Variants in PAK5 observed in about 807,000 individuals in gnomAD.
PAK5 encodes p21 (RAC1) activated kinase 5.
PAK5 carries 16 observed loss-of-function variants against 65.9 expected under a neutral mutation model. The observed-to-expected ratio is 0.24, with a 90% CI of 0.16 to 0.37. The LOEUF (loss-of-function observed/expected upper bound fraction) is 0.37. Among genes scored for constraint, PAK5 ranks in the 10% least tolerant of loss-of-function variants. The pLI is 1.00. For synonymous variants in PAK5, 371 were observed against 354.9 expected (o/e 1.05, Z -0.51); for missense variants, 785 against 903.9 (o/e 0.87, Z 1.69).
At chr20:9,767,619 G>C (rs1039743397) in intron 1 of PAK5, among the ~76,000 whole-genome samples, 1 of 152,116 alleles carries the variant, frequency 6.6e-6, no homozygotes, top group African/African-American at 2.4e-5. Context: ...CCCATTTCCA[G>C]GCAATATTTA....
chr20:9,667,778 A>C (rs1243708645), intron 2 of PAK5, among the ~76,000 whole-genome samples: 2 of 152,176 alleles, frequency 1.3e-5, no homozygotes, highest in Admixed American at 1.3e-4. Context: ...TAAAGCCCAT[A>C]ATGTATATAT....
At chr20:9,756,297 A>G (rs1438807414) in intron 1 of PAK5, among the ~76,000 whole-genome samples, 2 of 152,182 alleles carry the variant, frequency 1.3e-5, no homozygotes, top group Non-Finnish European at 2.9e-5. Context: ...AAAGTAAAGC[A>G]TTAGTTGAGC....
intron 1 of PAK5, among the ~76,000 whole-genome samples, chr20:9,759,254 A>G (rs2048670692): frequency 6.6e-6 from 1 of 152,190 alleles, no homozygotes; most frequent in Non-Finnish European, 1.5e-5. Flanking sequence ...ACTGCTAAAC[A>G]TCTGATAACA....
At chr20:9,713,168 T>C (rs1970420879) in intron 1 of PAK5, among the ~76,000 whole-genome samples, 1 of 151,742 alleles carries the variant, frequency 6.6e-6, no homozygotes, top group African/African-American at 2.4e-5. Context: ...AACAACTCAA[T>C]AGCAAATAAT....
chr20:9,541,951 T>C (rs1469010103), intron 9 of PAK5, among the ~76,000 whole-genome samples: 1 of 152,216 alleles, frequency 6.6e-6, no homozygotes, highest in Non-Finnish European at 1.5e-5. Context: ...GCCATGATTG[T>C]AAGTATCCTG....
At chr20:9,553,115 A>G (rs967481725) in intron 7 of PAK5, among the ~76,000 whole-genome samples, 2 of 152,178 alleles carry the variant, frequency 1.3e-5, no homozygotes, top group Non-Finnish European at 1.5e-5. Context: ...ACACGGCTAC[A>G]GTACAATATC....
intron 2 of PAK5, among the ~76,000 whole-genome samples, chr20:9,668,029 C>T (rs191534675): frequency 2.6e-5 from 4 of 152,102 alleles, no homozygotes; most frequent in Non-Finnish European, 5.9e-5. Flanking sequence ...TCTCCTTGAA[C>T]CATTTGAGTC....
chr20:9,830,090 G>C (rs1367195356), intron 1 of PAK5, among the ~76,000 whole-genome samples: 1 of 152,214 alleles, frequency 6.6e-6, no homozygotes, highest in Non-Finnish European at 1.5e-5. Context: ...AGCTCAAGGG[G>C]TCTTTGTTGC....
At chr20:9,697,913 A>T (rs748335016) in intron 2 of PAK5, among the ~76,000 whole-genome samples, 6 of 152,040 alleles carry the variant, frequency 3.9e-5, no homozygotes, top group Non-Finnish European at 7.4e-5. Flanking sequence ...GCCAACATTG[A>T]TTTAGTAAAA....
intron 1 of PAK5, among the ~76,000 whole-genome samples, chr20:9,834,758 C>G (rs1307134548): frequency 6.6e-6 from 1 of 152,090 alleles, no homozygotes; most frequent in African/African-American, 2.4e-5. Context: ...TGGCATATAA[C>G]AGAAGCTCAA....
chr20:9,636,877 G>T (rs2046988914), intron 3 of PAK5, among the ~76,000 whole-genome samples: 1 of 152,192 alleles, frequency 6.6e-6, no homozygotes, highest in South Asian at 2.1e-4. Flanking sequence ...TTTAATATAA[G>T]TTCCAAGATA....
At chr20:9,655,202 C>G (rs1033019119) in intron 2 of PAK5, among the ~76,000 whole-genome samples, 6 of 152,196 alleles carry the variant, frequency 3.9e-5, no homozygotes, top group African/African-American at 1.4e-4. Flanking sequence ...TCATTACACA[C>G]AAATCCAAAC....
Position 9,686,092 on chromosome 20 carries a change from C to A in PAK5, c.-12+25194G>T, listed in dbSNP as rs1022517285. ...TCATCTTTGTAGTGGCAAAAAAAGG[C>A]TTTCTAAATTCTTCAGTAATAGAAT... On this transcript the variant is annotated intron_variant, in intron 2 of 9. Coordinates refer to ENST00000353224, the MANE Select transcript of PAK5 (RefSeq NM_177990.4). Among the ~76,000 whole-genome samples, 14 of 152,312 alleles carry A rather than the reference C, an allele frequency of 9.2e-5. No homozygotes were observed. In the South Asian group the frequency reaches 2.9e-3, roughly 32 times the overall value.
chr20:9,601,858 C>T lies in PAK5; in HGVS notation c.205-20928G>A, dbSNP rs999372910. On this transcript the variant is annotated intron_variant, in intron 3 of 9. Coordinates refer to ENST00000353224, the MANE Select transcript of PAK5 (RefSeq NM_177990.4). ...ACAGACCTGAACCCAACCTAAAACC[C>T]GCAGCCAACTCTAAGTGACCTGAAC... 9.2e-5 allele frequency among the ~76,000 whole-genome samples: 14 copies of T among 152,252 alleles called. 1 individual carries two copies. Among genetic ancestry groups the T allele is most frequent in the Admixed American group, 4.6e-4 (7 of 15,284 alleles).
At chr20:9,632,527 C>G (rs1306159543) in intron 3 of PAK5, among the ~76,000 whole-genome samples, 19 of 152,128 alleles carry the variant, frequency 1.2e-4, no homozygotes, top group Admixed American at 1.2e-3. Context: ...TACTCTACAA[C>G]TAAAAAATAA....
intron 4 of PAK5, among the ~76,000 whole-genome samples, chr20:9,572,088 T>C (rs2045798505): frequency 6.6e-6 from 1 of 151,612 alleles, no homozygotes; most frequent in South Asian, 2.1e-4. Context: ...TTTGGCTTGT[T>C]TGTTTTGAGC....
intron 3 of PAK5, among the ~76,000 whole-genome samples, chr20:9,607,068 C>G (rs996535390): frequency 6.6e-6 from 1 of 152,204 alleles, no homozygotes; most frequent in African/African-American, 2.4e-5. Context: ...TCTCTACTAA[C>G]TTCCTCCTCC....
intron 2 of PAK5, among the ~76,000 whole-genome samples, chr20:9,666,438 G>GA (rs113311085): frequency 5.3e-4 from 71 of 134,834 alleles, no homozygotes; most frequent in South Asian, 3.3e-3. Context: ...AAGGCGGAAT[G>GA]AAAAAAAAAA....
At chr20:9,751,232 A>T (rs2123617992) in intron 1 of PAK5, among the ~76,000 whole-genome samples, 1 of 152,296 alleles carries the variant, frequency 6.6e-6, no homozygotes, top group Admixed American at 6.5e-5. Flanking sequence ...GACTCAAAAT[A>T]TTTTAACACA....
Sources: gnomAD v4.1 joint callset for allele counts (sites outside exome capture counted in the v4.1 genomes callset) on GRCh38, gnomAD v4.1.1 for gene constraint, MANE v1.5 for transcripts, NCBI Gene and HGNC (gene_info 2026-07-23, HGNC 2026-07-21) for gene names.